WDR3: variants seen among roughly 807,000 people sequenced by gnomAD.
WDR3 encodes the protein WD repeat domain 3.
WDR3 carries 81 observed loss-of-function variants against 123.7 expected under a neutral mutation model. That is an observed-to-expected ratio of 0.65 (90% confidence interval 0.55 to 0.79). The LOEUF is 0.79. Ranked by LOEUF, WDR3 falls within the 30% of genes least tolerant of loss-of-function variation. WDR3 has a pLI of 0.00. For synonymous variants in WDR3, 390 were observed against 388.8 expected (o/e 1.00, Z -0.04); for missense variants, 1,027 against 1,123.2 (o/e 0.91, Z 1.22).
Position 117,941,733 on chromosome 1 carries a change from AC to A in WDR3, c.892-15del, listed in dbSNP as rs1651179583. 6.2e-7 allele frequency: 1 copy of A among 1,603,768 alleles called. No homozygotes were observed. Among genetic ancestry groups the A allele is most frequent in the South Asian group, 1.1e-5 (1 of 88,188 alleles). ...AATTACCTCTCCTTGACTCACATTA[AC>A]CTTTTGCCTTTCTAGGGAACTGACT... is the stretch of plus-strand genomic sequence containing the variant. On this transcript the variant is annotated splice_polypyrimidine_tract_variant and intron_variant, in intron 8 of 26. Transcript: ENST00000349139.
chr1:117,952,456 A>T (rs755165485), intron 18 of WDR3, 48 bp downstream of exon 18: 1 of 1,599,528 alleles, frequency 6.3e-7, no homozygotes, highest in African/African-American at 1.3e-5. Context: ...AAATACTTTT[A>T]AGAATATTTA....
chr1:117,954,416 C>G (rs1178563781), intron 22 of WDR3, among the ~76,000 whole-genome samples, 164 bp from the exon 23 acceptor site: 3 of 152,036 alleles, frequency 2.0e-5, no homozygotes, highest in Non-Finnish European at 4.4e-5. Context: ...TTCATGAGTA[C>G]TATAGAAACT....
Position 117,960,852 on chromosome 1 carries a change from A to G in WDR3, c.*1405A>G, listed in dbSNP as rs1416075007. 2 of 152,230 alleles carry G rather than the reference A, an allele frequency of 1.3e-5. No homozygotes were observed. The highest frequency in any genetic ancestry group is 2.1e-4 in the South Asian group (1 of 4,834). The allele number at this position is 152,230 out of a possible 1,614,324, so 9.4% of individuals were successfully genotyped here. ...TTGATAATAGATTTGCGTGTATTTTATGGCAGTAAATGATAAAATAGTCTA... is the reference window on the plus strand; with the variant it reads ...TTGATAATAGATTTGCGTGTATTTTGTGGCAGTAAATGATAAAATAGTCTA... On this transcript the variant is annotated 3_prime_UTR_variant, in exon 27 of 27. Coordinates refer to ENST00000349139, the MANE Select transcript of WDR3 (RefSeq NM_006784.3).
chr1:117,959,389 TGGAAGAGAAGAAGA>T lies in WDR3; in HGVS notation c.2782_2795del (p.Lys928GlufsTer27), dbSNP rs754569327. The T allele has an allele frequency of 6.2e-7, 1 of 1,613,894 alleles. No homozygotes were observed. Among genetic ancestry groups the T allele is most frequent in the South Asian group, 1.1e-5 (1 of 91,056 alleles). ...TTTTTTGCTGATGCTACTAGCCACT[TGGAAGAGAAGAAGA>T]GGAAGAGGAAAAAGAGGGAGAAGTT... On this transcript the variant is annotated frameshift_variant, in exon 27 of 27. Coordinates refer to ENST00000349139, the MANE Select transcript of WDR3 (RefSeq NM_006784.3). LOFTEE classifies it high-confidence loss of function.
chr1:117,962,334 A>G lies in WDR3; in HGVS notation c.*2887A>G, dbSNP rs1653209805. On this transcript the variant is annotated 3_prime_UTR_variant, in exon 27 of 27. Transcript: ENST00000349139. ...TAAATTTTAAGCCAGGCAAATTTCT[A>G]GTCATTAAGTCAGTATTCATTGCCT... 6.6e-6 allele frequency: 1 copy of G among 152,220 alleles called. No homozygotes were observed. The highest frequency in any genetic ancestry group is 1.5e-5 in the Non-Finnish European group (1 of 68,038). 9.4% of individuals were successfully genotyped at this position (152,220 alleles called of 1,614,324 possible).
intron 4 of WDR3, among the ~76,000 whole-genome samples, 188 bp downstream of exon 4, chr1:117,937,075 T>A (rs1177016187): frequency 6.6e-6 from 1 of 152,200 alleles, no homozygotes; most frequent in Admixed American, 6.5e-5. Flanking sequence ...ATATTATTTT[T>A]AAAATCATTT....
rs376568261 is a variant in WDR3, at chr1:117,957,065, C to T, written c.2454-3C>T. The stretch of plus-strand genomic sequence containing the variant: ...ATTTTTATATTTATTTTTTCTTTTT[C>T]AGTGAGCTGGAAGAATCTCTACTTG... On this transcript the variant is annotated splice_region_variant and splice_polypyrimidine_tract_variant and intron_variant, in intron 24 of 26. Transcript: ENST00000349139. The T allele has an allele frequency of 9.0e-5, 139 of 1,550,894 alleles. 1 individual carries two copies. In the Middle Eastern group the frequency reaches 2.9e-3, roughly 33 times the overall value.
chr1:117,951,125 C>A (rs547904676), intron 16 of WDR3, among the ~76,000 whole-genome samples: 1 of 152,104 alleles, frequency 6.6e-6, no homozygotes, highest in Admixed American at 6.5e-5. Flanking sequence ...AATATTATCT[C>A]TTTCCCTCTT....
intron 23 of WDR3, 138 bp downstream of exon 23, chr1:117,954,765 C>T (rs1033522021): frequency 4.3e-6 from 4 of 926,984 alleles, no homozygotes; most frequent in Admixed American, 2.6e-5. Flanking sequence ...TGAATCTTGG[C>T]ATTCTCTAGG....
chr1:117,957,946 A>G (rs943883429), intron 25 of WDR3, among the ~76,000 whole-genome samples: 1 of 152,230 alleles, frequency 6.6e-6, no homozygotes, highest in Non-Finnish European at 1.5e-5. Context: ...CATAAAGCAA[A>G]TATGTTCATT....
chr1:117,948,883 A>G lies in WDR3; in HGVS notation c.1524+377A>G, dbSNP rs528985545. Reference sequence around the variant, plus strand: ...GCTAAGTAGTTTTAGCAAGTATGTCAGCCCTTACAAGTCAATAAATATGTG... The same window carrying G: ...GCTAAGTAGTTTTAGCAAGTATGTCGGCCCTTACAAGTCAATAAATATGTG... On this transcript the variant is annotated intron_variant, in intron 13 of 26. Transcript: ENST00000349139. Among the ~76,000 whole-genome samples the G allele has an allele frequency of 1.8e-4, 27 of 152,330 alleles. No individual in the cohort carries two copies. The South Asian group carries it at 5.0e-3, about 28-fold the overall frequency.
At chr1:117,954,696 A>G in intron 23 of WDR3, 69 bp downstream of exon 23, 1 of 1,489,546 alleles carries the variant, frequency 6.7e-7, no homozygotes, top group East Asian at 2.3e-5. Flanking sequence ...GAAAGGAAGT[A>G]GAGGCATTAT....
Position 117,940,908 on chromosome 1 carries a change from G to A in WDR3, c.757G>A (p.Gly253Ser). 4 of 1,613,858 alleles carry A rather than the reference G, an allele frequency of 2.5e-6. No homozygotes were observed. The highest frequency in any genetic ancestry group is 3.4e-6 in the Non-Finnish European group (4 of 1,179,944). ...GIQDTLEAED[G>S]AFETDEAPED... ...ACAAGATACTCTTGAGGCAGAGGAT[G>A]GTGCCTTTGAGACGGATGAAGCCCC... The change falls in exon 7 of 27, where the codon GGT becomes AGT. Residue 253 changes from glycine (G) to serine (S), a missense_variant. Coordinates refer to ENST00000349139, the MANE Select transcript of WDR3 (RefSeq NM_006784.3).
At chr1:117,957,992 G>C (rs1652469069) in intron 25 of WDR3, among the ~76,000 whole-genome samples, 1 of 152,162 alleles carries the variant, frequency 6.6e-6, no homozygotes, top group African/African-American at 2.4e-5. Context: ...TCTGTTAATA[G>C]GTAGTTGAGA....
chr1:117,942,689 G>A, intron 10 of WDR3, 145 bp downstream of exon 10: 5 of 697,736 alleles, frequency 7.2e-6, no homozygotes, highest in East Asian at 5.6e-5. Flanking sequence ...CTCTGCTCCT[G>A]TTGTCCTAAT....
In WDR3 at chr1:117,963,819, G is replaced by T; in HGVS notation, c.*4372G>T. On this transcript the variant is annotated 3_prime_UTR_variant, in exon 27 of 27. Coordinates refer to ENST00000349139, the MANE Select transcript of WDR3 (RefSeq NM_006784.3). ...TGTACCTAATGTGGAGAAACTTTAC[G>T]AGACATGAAGACTCCAAGTGTGGAG... is the stretch of plus-strand genomic sequence containing the variant. 6.2e-7 allele frequency: 1 copy of T among 1,612,640 alleles called. No individual in the cohort carries two copies. The highest frequency in any genetic ancestry group is 8.5e-7 in the Non-Finnish European group (1 of 1,179,246).
Position 117,964,614 on chromosome 1 carries a change from C to T in WDR3, c.*5167C>T, listed in dbSNP as rs1192819492. The stretch of plus-strand genomic sequence containing the variant: ...GGGAGAGAGACTTTCCCAGTGAGGA[C>T]TTTCCTTTCCTATTTTATATTTTGC... On this transcript the variant is annotated 3_prime_UTR_variant, in exon 27 of 27. Transcript: ENST00000349139. 1 of 152,010 alleles carries T rather than the reference C, an allele frequency of 6.6e-6. No homozygotes were observed. Among genetic ancestry groups the T allele is most frequent in the Non-Finnish European group, 1.5e-5 (1 of 68,012 alleles). The allele number at this position is 152,010 out of a possible 1,614,324, so 9.4% of individuals were successfully genotyped here.
At position 117,963,795 on chromosome 1, in the gene WDR3, G is replaced by A. The variant is rs1416164302; in HGVS notation, c.*4348G>A. 31 of 1,608,780 alleles carry A rather than the reference G, an allele frequency of 1.9e-5. No homozygotes were observed. The highest frequency in any genetic ancestry group is 2.5e-5 in the Non-Finnish European group (30 of 1,176,898). ...ATCAAATTCCCATTTATTACTTACTGTACCTAATGTGGAGAAACTTTACGA... is the reference window on the plus strand; with the variant it reads ...ATCAAATTCCCATTTATTACTTACTATACCTAATGTGGAGAAACTTTACGA... On this transcript the variant is annotated 3_prime_UTR_variant, in exon 27 of 27. Transcript: ENST00000349139.
At chr1:117,949,871 T>G in intron 14 of WDR3, 35 bp downstream of exon 14, 1 of 1,611,232 alleles carries the variant, frequency 6.2e-7, no homozygotes, top group East Asian at 2.2e-5. Flanking sequence ...TTTTTTGGAG[T>G]GAAAATGGGG....
Sources: allele counts gnomAD v4.1 joint callset (sites outside exome capture counted in the v4.1 genomes callset), GRCh38; gene constraint gnomAD v4.1.1; transcripts MANE v1.5; gene names NCBI Gene and HGNC (gene_info 2026-07-23, HGNC 2026-07-21).